CD109: variants seen among roughly 807,000 people sequenced by gnomAD.
CD109 encodes CD109 antigen.
CD109 carries 149 observed loss-of-function variants against 165.8 expected under a neutral mutation model. The observed-to-expected ratio is 0.90, with a 90% CI of 0.79 to 1.03. The LOEUF is 1.03. CD109 is among the 50% of genes least tolerant of loss of function. The pLI is 0.00. For synonymous variants in CD109, 585 were observed against 592.1 expected (o/e 0.99, Z 0.18); for missense variants, 1,712 against 1,677.8 (o/e 1.02, Z -0.36).
chr6:73,783,107 C>T (rs980613349), intron 18 of CD109, among the ~76,000 whole-genome samples: 2 of 151,936 alleles, frequency 1.3e-5, no homozygotes, highest in East Asian at 1.9e-4. Flanking sequence ...CCTCCTGTGA[C>T]CCCTGGCAGT....
At chr6:73,794,721 AT>A (rs763012055) in intron 23 of CD109, among the ~76,000 whole-genome samples, 4 of 152,120 alleles carry the variant, frequency 2.6e-5, no homozygotes, top group Non-Finnish European at 4.4e-5. Flanking sequence ...ACATAGTGGT[AT>A]ATTTTCCCTT....
At position 73,757,554 on chromosome 6, in the gene CD109, C is replaced by G. The variant is rs181980046; in HGVS notation, c.673+872C>G. ...CTTGGTTCATGCTGGTCATAGTTTG[C>G]TGAACTCTGATCTGTAACTGTGCTC... On this transcript the variant is annotated intron_variant, in intron 6 of 32. Coordinates refer to ENST00000287097, the MANE Select transcript of CD109 (RefSeq NM_133493.5). Among the ~76,000 whole-genome samples the G allele has an allele frequency of 2.2e-4, 33 of 152,218 alleles. 1 individual carries two copies. The East Asian group carries it at 6.0e-3, about 28-fold the overall frequency.
the CD109 span, among the ~76,000 whole-genome samples, chr6:73,689,580 A>C: frequency 4.3e-4 from 66 of 152,240 alleles, no homozygotes; most frequent in African/African-American, 1.6e-3. Flanking sequence ...TTATAGTCTT[A>C]ATATGCTTAT....
chr6:73,696,294 G>C lies in CD109; in HGVS notation c.74+5G>C. On this transcript the variant is annotated splice_donor_5th_base_variant and intron_variant, in intron 1 of 32. Coordinates refer to ENST00000287097, the MANE Select transcript of CD109 (RefSeq NM_133493.5). ...CGCGCTGGCCGTGGCTCCCGGGTAG[G>C]AACGTGGGCGCGCGGGGGGCGCGCG... is the stretch of plus-strand genomic sequence containing the variant. The C allele has an allele frequency of 1.3e-6, 2 of 1,501,092 alleles. No individual in the cohort carries two copies. Among genetic ancestry groups the C allele is most frequent in the Non-Finnish European group, 1.8e-6 (2 of 1,133,778 alleles). 93.0% of individuals were successfully genotyped at this position (1,501,092 alleles called of 1,614,324 possible).
At chr6:73,719,945 G>C (rs1771883059) in intron 2 of CD109, among the ~76,000 whole-genome samples, 1 of 152,136 alleles carries the variant, frequency 6.6e-6, no homozygotes, top group African/African-American at 2.4e-5. Flanking sequence ...TAAGCTTAAT[G>C]AACAGAAGTT....
intron 19 of CD109, among the ~76,000 whole-genome samples, chr6:73,784,150 T>C (rs1258674828): frequency 6.6e-6 from 1 of 152,130 alleles, no homozygotes; most frequent in African/African-American, 2.4e-5. Context: ...AGTGAGTCTT[T>C]CTATTTGTCC....
chr6:73,782,351 C>T (rs1482846016), intron 17 of CD109, among the ~76,000 whole-genome samples: 1 of 152,148 alleles, frequency 6.6e-6, no homozygotes, highest in Non-Finnish European at 1.5e-5. Context: ...AGTTTTTACC[C>T]ATCTTTGTTC....
At chr6:73,749,246 G>A (rs1383041471) in intron 5 of CD109, among the ~76,000 whole-genome samples, 1 of 152,198 alleles carries the variant, frequency 6.6e-6, no homozygotes, top group East Asian at 1.9e-4. Context: ...CTGTGCTCTA[G>A]TTAAGTGATG....
chr6:73,767,671 C>T (rs914845860), intron 13 of CD109, among the ~76,000 whole-genome samples: 2 of 151,850 alleles, frequency 1.3e-5, no homozygotes, highest in South Asian at 2.1e-4. Flanking sequence ...ATTTAAATTT[C>T]TATTTGATAA....
In CD109 at chr6:73,713,426, T is replaced by A. The variant is rs557347024; in HGVS notation, c.248-9825T>A. On this transcript the variant is annotated intron_variant, in intron 2 of 32. Coordinates refer to ENST00000287097, the MANE Select transcript of CD109 (RefSeq NM_133493.5). The stretch of plus-strand genomic sequence containing the variant: ...GTCTTTGTATTTTGTATTTTTATTT[T>A]TTTTTTAATAGAGATGGGGTCACAC... Among the ~76,000 whole-genome samples, 8 of 152,212 alleles carry A rather than the reference T, an allele frequency of 5.3e-5. No homozygotes were observed. The East Asian group carries it at 9.7e-4, about 18-fold the overall frequency.
At chr6:73,749,383 A>G (rs1773101587) in intron 5 of CD109, among the ~76,000 whole-genome samples, 2 of 152,054 alleles carry the variant, frequency 1.3e-5, no homozygotes, top group Non-Finnish European at 2.9e-5. Flanking sequence ...GGACTGTAGG[A>G]TTTGGATGGG....
chr6:73,781,464 A>G (rs1368877660), intron 17 of CD109, 145 bp downstream of exon 17: 1 of 676,344 alleles, frequency 1.5e-6, no homozygotes, highest in East Asian at 2.8e-5. Flanking sequence ...TTGGAGTTTA[A>G]TGTACTTAGA....
chr6:73,799,306 A>G (rs1281668538), intron 23 of CD109, among the ~76,000 whole-genome samples: 1 of 152,212 alleles, frequency 6.6e-6, no homozygotes, highest in Non-Finnish European at 1.5e-5. Context: ...ACATGCTTCC[A>G]AAAGACAAAC....
intron 23 of CD109, among the ~76,000 whole-genome samples, chr6:73,801,443 C>A (rs533513810): frequency 6.6e-6 from 1 of 152,302 alleles, no homozygotes; most frequent in South Asian, 2.1e-4. Flanking sequence ...ATCTAATGTT[C>A]CCTTCTTCAA....
intron 2 of CD109, among the ~76,000 whole-genome samples, chr6:73,719,794 C>G (rs1771877476): frequency 6.6e-6 from 1 of 152,294 alleles, no homozygotes; most frequent in East Asian, 1.9e-4. Context: ...AATGTTTTTA[C>G]AGGACAAAAT....
intron 5 of CD109, among the ~76,000 whole-genome samples, chr6:73,739,954 G>C (rs540088192): frequency 6.6e-6 from 1 of 152,098 alleles, no homozygotes; most frequent in Non-Finnish European, 1.5e-5. Context: ...CTGCAGCCTC[G>C]AACTCCTGGG....
chr6:73,789,217 A>G (rs953402673), intron 22 of CD109, among the ~76,000 whole-genome samples: 3 of 152,194 alleles, frequency 2.0e-5, no homozygotes, highest in African/African-American at 7.2e-5. Context: ...GATATGAGTA[A>G]CCTTTACAGT....
intron 23 of CD109, among the ~76,000 whole-genome samples, chr6:73,802,824 C>T (rs565885989): frequency 5.3e-5 from 8 of 151,880 alleles, no homozygotes; most frequent in South Asian, 4.2e-4. Context: ...CTCAGCCTCC[C>T]GAGTAGCTGG....
At chr6:73,696,187 G>A, upstream of CD109, 3 of 1,542,112 alleles carry the variant, frequency 1.9e-6, no homozygotes, top group East Asian at 2.4e-5. Context: ...CCCCGGCAGC[G>A]GACTGTAGCC....
Sources: allele counts gnomAD v4.1 joint callset (sites outside exome capture counted in the v4.1 genomes callset), GRCh38; gene constraint gnomAD v4.1.1; transcripts MANE v1.5; gene names NCBI Gene and HGNC (gene_info 2026-07-23, HGNC 2026-07-21).